ZFPL1: variants seen among roughly 807,000 people sequenced by gnomAD.
ZFPL1 encodes zinc finger protein-like 1.
ZFPL1 carries 28 observed loss-of-function variants against 32.0 expected under a neutral mutation model. The ratio of observed to expected loss-of-function variants is 0.87; its 90% CI spans 0.65 to 1.20. The LOEUF (loss-of-function observed/expected upper bound fraction) is 1.20, where lower values mean the gene tolerates loss of function less well. Ranked by LOEUF, ZFPL1 falls within the 50% of genes most tolerant of loss-of-function variation. The probability of loss-of-function intolerance (pLI) is 0.00; values close to 1 mark genes in which losing one functional copy is unlikely to be tolerated. For synonymous variants in ZFPL1, 165 were observed against 177.0 expected, an observed-to-expected ratio of 0.93 and a Z score of 0.54; for missense variants, 386 against 424.8, an observed-to-expected ratio of 0.91 and a Z score of 0.80.
At chr11:65,085,279 T>C in intron 3 of ZFPL1, 53 bp downstream of exon 3, 1 of 1,537,572 alleles carries the variant, frequency 6.5e-7, no homozygotes, top group East Asian at 2.2e-5. Context: ...GCCAGCTTGG[T>C]GACTGGTTTC....
At chr11:65,085,734 G>A (rs1421380320) in intron 3 of ZFPL1, 3 of 219,816 alleles carry the variant, frequency 1.4e-5, no homozygotes, top group Non-Finnish European at 2.8e-5. Flanking sequence ...AGCTCCATAT[G>A]TGTTTCTCCT....
At chr11:65,085,051 C>T (rs764256252) in intron 2 of ZFPL1, 64 bp from the exon 3 acceptor site, 5 of 1,478,116 alleles carry the variant, frequency 3.4e-6, no homozygotes, top group Non-Finnish European at 4.7e-6. Flanking sequence ...AAGAGACAGT[C>T]GGACCTTGGG....
rs1565299310 is a variant in ZFPL1 at position 65,086,951 on chromosome 11, G to A, written c.505G>A (p.Glu169Lys). The change falls in exon 6 of 8, where the codon GAG (glutamate) becomes AAG (lysine). Residue 169 changes from glutamate to lysine, a missense_variant. Glu to Lys is a moderately conservative substitution (Grantham distance 56). Coordinates refer to ENST00000294258, the MANE Select transcript of ZFPL1 (RefSeq NM_006782.4). ...AGCCAGCAGTACCCCTGGACCAGAG[G>A]AGGTAGACAGCGCCTCTGCTGCCCC... The part of the protein sequence containing the change: ...FNASSTPGPE[E>K]VDSASAAPAF... 1 of 1,614,050 alleles carries A rather than the reference G, an allele frequency of 6.2e-7. No individual in the cohort carries two copies. The highest frequency in any genetic ancestry group is 8.5e-7 in the Non-Finnish European group (1 of 1,179,992).
Position 65,084,815 on chromosome 11 carries a change from G to T in ZFPL1, c.102+15G>T. 6.2e-7 allele frequency: 1 copy of T among 1,613,880 alleles called. No homozygotes were observed. Among genetic ancestry groups the T allele is most frequent in the Non-Finnish European group, 8.5e-7 (1 of 1,179,978 alleles). ...ATCACGCCAAGGTGGGGCCTTCAGGGGAGCGACTGAGCAGGGCACTGGGTG... is the reference window on the plus strand; with the variant it reads ...ATCACGCCAAGGTGGGGCCTTCAGGTGAGCGACTGAGCAGGGCACTGGGTG... On this transcript the variant is annotated intron_variant, in intron 2 of 7. Coordinates refer to ENST00000294258, the MANE Select transcript of ZFPL1 (RefSeq NM_006782.4).
intron 3 of ZFPL1, 21 bp downstream of exon 3, chr11:65,085,247 G>A: frequency 6.2e-7 from 1 of 1,611,162 alleles, no homozygotes; most frequent in Non-Finnish European, 8.5e-7. Flanking sequence ...GGCACCTCGG[G>A]GGGATCAGGC....
chr11:65,086,686 T>G, intron 4 of ZFPL1, 34 bp from the exon 5 acceptor site: 1 of 1,614,188 alleles, frequency 6.2e-7, no homozygotes, highest in Non-Finnish European at 8.5e-7. Context: ...GGGACAATAC[T>G]AGGCAGCCTG....
rs763393760 is a variant in ZFPL1 at position 65,084,678 on chromosome 11, G to A, written c.-8-13G>A. On this transcript the variant is annotated splice_polypyrimidine_tract_variant and intron_variant, in intron 1 of 7. Transcript: ENST00000294258. Reference sequence around the variant, plus strand: ...AGAACCTGACTTCCTACCAACTCATGCCCCTTTCCCAGGATCGATCATGGG... The same window carrying A: ...AGAACCTGACTTCCTACCAACTCATACCCCTTTCCCAGGATCGATCATGGG... The A allele has an allele frequency of 3.0e-5, 49 of 1,613,048 alleles. No homozygotes were observed. In the Admixed American group the frequency reaches 8.0e-4, roughly 26 times the overall value.
rs536589552 is a variant in ZFPL1 at position 65,084,281 on chromosome 11, G to T, written c.-106G>T. 1.4e-3 allele frequency: 786 copies of T among 552,908 alleles called. 1 individual carries two copies. The highest frequency in any genetic ancestry group is 2.2e-3 in the Non-Finnish European group (677 of 311,784). The allele number at this position is 552,908 out of a possible 1,614,324, so 34.3% of individuals were successfully genotyped here. ...CGGGGCTGAAGGGAGAGGCGCAGGAGCCCTGGGGAGAGTGGTCCCTGCCCT... is the reference window on the plus strand; with the variant it reads ...CGGGGCTGAAGGGAGAGGCGCAGGATCCCTGGGGAGAGTGGTCCCTGCCCT... On this transcript the variant is annotated 5_prime_UTR_variant, in exon 1 of 8. Coordinates refer to ENST00000294258, the MANE Select transcript of ZFPL1 (RefSeq NM_006782.4).
chr11:65,085,354 T>C, intron 3 of ZFPL1, 128 bp downstream of exon 3: 1 of 783,328 alleles, frequency 1.3e-6, no homozygotes, highest in South Asian at 1.4e-5. Flanking sequence ...TCTAGTCCTG[T>C]TAAAGTTCCT....
chr11:65,085,162 C>A lies in ZFPL1; in HGVS notation c.150C>A (p.Asn50Lys). 1 of 1,614,170 alleles carries A rather than the reference C, an allele frequency of 6.2e-7. No homozygotes were observed. The highest frequency in any genetic ancestry group is 8.5e-7 in the Non-Finnish European group (1 of 1,180,030). The change falls in exon 3 of 8, where the codon AAC (asparagine) becomes AAA (lysine). Residue 50 changes from asparagine (N) to lysine (K), a missense_variant. Transcript: ENST00000294258. ...YLQWLQDSDY[N>K]PNCRLCNIPL... ...AATGGCTCCAAGATAGCGACTACAACCCCAATTGCCGCCTGTGCAACATAC... is the reference window on the plus strand; with the variant it reads ...AATGGCTCCAAGATAGCGACTACAAACCCAATTGCCGCCTGTGCAACATAC...
chr11:65,084,432 G>C, intron 1 of ZFPL1, 54 bp downstream of exon 1: 1 of 564,216 alleles, frequency 1.8e-6, no homozygotes. Context: ...AGAGGTCTTG[G>C]GGGCGGGGCC....
rs887127824 is a variant in ZFPL1, at chr11:65,088,141, C to T, written c.*27C>T. 10 of 1,592,302 alleles carry T rather than the reference C, an allele frequency of 6.3e-6. No homozygotes were observed. Among genetic ancestry groups the T allele is most frequent in the Non-Finnish European group, 8.5e-6 (10 of 1,175,718 alleles). On this transcript the variant is annotated 3_prime_UTR_variant, in exon 8 of 8. Coordinates refer to ENST00000294258, the MANE Select transcript of ZFPL1 (RefSeq NM_006782.4). Reference sequence around the variant, plus strand: ...CCCCCTTGCTTGTGGCTAGGCCAGCCTAGGATGTGGGTTCTGTGGAGGAGA... The same window carrying T: ...CCCCCTTGCTTGTGGCTAGGCCAGCTTAGGATGTGGGTTCTGTGGAGGAGA...
In ZFPL1 at chr11:65,086,531, G is replaced by A; in HGVS notation, c.331G>A (p.Ala111Thr). The A allele has an allele frequency of 6.2e-7, 1 of 1,614,054 alleles. No individual in the cohort carries two copies. Among genetic ancestry groups the A allele is most frequent in the Non-Finnish European group, 8.5e-7 (1 of 1,180,032 alleles). ...NGPIFPPTNL[A>T]GPVASALREK... ...CCCCATCTTCCCCCCAACCAACCTGGCTGGCCCCGTGGCCTCCGCACTGAG... is the reference window on the plus strand; with the variant it reads ...CCCCATCTTCCCCCCAACCAACCTGACTGGCCCCGTGGCCTCCGCACTGAG... The change falls in exon 4 of 8, where the codon GCT becomes ACT. Residue 111 changes from alanine (A) to threonine (T), a missense_variant. Physicochemically the swap from Ala to Thr is moderately conservative, Grantham distance 58. Transcript: ENST00000294258.
At chr11:65,087,531 G>T in intron 7 of ZFPL1, 98 bp downstream of exon 7, 1 of 1,144,002 alleles carries the variant, frequency 8.7e-7, no homozygotes, top group East Asian at 2.4e-5. Context: ...AAAGGGGCTT[G>T]TTCTGGGGAG....
Position 65,084,330 on chromosome 11 carries a change from C to G in ZFPL1, c.-57C>G, listed in dbSNP as rs902279224. On this transcript the variant is annotated 5_prime_UTR_variant, in exon 1 of 8. Coordinates refer to ENST00000294258, the MANE Select transcript of ZFPL1 (RefSeq NM_006782.4). ...CTTCCGCGCCTCGAGCCATCGCTAC[C>G]GCCCTTCGGAACCAGTGCAGCGGCC... The G allele has an allele frequency of 3.9e-6, 2 of 510,662 alleles. No homozygotes were observed. The highest frequency in any genetic ancestry group is 6.9e-6 in the Non-Finnish European group (2 of 288,016). 31.6% of individuals were successfully genotyped at this position (510,662 alleles called of 1,614,324 possible).
rs1290854744 is a variant in ZFPL1 at position 65,085,972 on chromosome 11, TA to T, written c.215-442del. On this transcript the variant is annotated intron_variant, in intron 3 of 7. Transcript: ENST00000294258. ...TGTGAGGGCTCCTGTACCCATAGTGTAGATATAGGGAATGCCACTTGTGTTT... is the reference window on the plus strand; with the variant it reads ...TGTGAGGGCTCCTGTACCCATAGTGTGATATAGGGAATGCCACTTGTGTTT... The T allele has an allele frequency of 1.6e-5, 4 of 245,726 alleles. No individual in the cohort carries two copies. The Admixed American group carries it at 2.1e-4, about 13-fold the overall frequency. 15.2% of individuals were successfully genotyped at this position (245,726 alleles called of 1,614,324 possible).
Position 65,088,381 on chromosome 11 carries a change from A to G in ZFPL1, c.*267A>G. 6.9e-7 allele frequency: 1 copy of G among 1,447,480 alleles called. No homozygotes were observed. The highest frequency in any genetic ancestry group is 9.4e-7 in the Non-Finnish European group (1 of 1,066,038). 89.7% of individuals were successfully genotyped at this position (1,447,480 alleles called of 1,614,324 possible). A position where few individuals can be genotyped will look rare whatever the true frequency, so the allele number is the denominator to read the frequency against. ...TGAAGGAGCTGGCAGGTGGAAATAA[A>G]CAACAACTTTATTAAAACACCCGAG... On this transcript the variant is annotated 3_prime_UTR_variant, in exon 8 of 8. Transcript: ENST00000294258.
chr11:65,087,073 C>G lies in ZFPL1; in HGVS notation c.627C>G (p.His209Gln), dbSNP rs148806624. 6.2e-7 allele frequency: 1 copy of G among 1,611,840 alleles called. No individual in the cohort carries two copies. The highest frequency in any genetic ancestry group is 8.5e-7 in the Non-Finnish European group (1 of 1,178,622). Reference sequence around the variant, plus strand: ...TGGGCAATCCTGAGCCCTTGACTCACGGTGAGCCTGGGAGTTATCCAGGCC... The same window carrying G: ...TGGGCAATCCTGAGCCCTTGACTCAGGGTGAGCCTGGGAGTTATCCAGGCC... ...IHMGNPEPLT[H>Q]APRKVYDTRD... Residue 209 changes from histidine (H) to glutamine (Q), a missense_variant and splice_region_variant, in exon 6 of 8, where the codon CAC (histidine) becomes CAG (glutamine). Physicochemically the swap from His to Gln is conservative, Grantham distance 24. Transcript: ENST00000294258.
chr11:65,084,802 TG>T lies in ZFPL1; in HGVS notation c.102+6del. 1.9e-6 allele frequency: 3 copies of T among 1,613,948 alleles called. No individual in the cohort carries two copies. Among genetic ancestry groups the T allele is most frequent in the Non-Finnish European group, 2.5e-6 (3 of 1,179,986 alleles). On this transcript the variant is annotated splice_donor_region_variant and intron_variant, in intron 2 of 7. Coordinates refer to ENST00000294258, the MANE Select transcript of ZFPL1 (RefSeq NM_006782.4). Reference sequence around the variant, plus strand: ...TGCCTGGTAGCCAATCACGCCAAGGTGGGGCCTTCAGGGGAGCGACTGAGCA... The same window carrying T: ...TGCCTGGTAGCCAATCACGCCAAGGTGGGCCTTCAGGGGAGCGACTGAGCA...
Sources: gnomAD v4.1 joint callset for allele counts on GRCh38, gnomAD v4.1.1 for gene constraint, MANE v1.5 for transcripts, NCBI Gene and HGNC (gene_info 2026-07-23, HGNC 2026-07-21) for gene names.